Variants in BTBD16 observed in about 807,000 individuals in gnomAD.
BTBD16 encodes the protein BTB/POZ domain-containing protein 16.
In BTBD16, 66 loss-of-function variants were observed where a neutral mutation model predicts 67.4. The ratio of observed to expected loss-of-function variants is 0.98; its 90% CI spans 0.80 to 1.20. The LOEUF (loss-of-function observed/expected upper bound fraction) is 1.20, where lower values mean the gene tolerates loss of function less well. BTBD16 is among the 50% of genes most tolerant of loss of function. The probability of loss-of-function intolerance (pLI) is 0.00; values close to 1 mark genes in which losing one functional copy is unlikely to be tolerated. For missense variants in BTBD16, 634 were observed against 616.0 expected, an observed-to-expected ratio of 1.03 and a Z score of -0.31; for synonymous variants, 242 against 236.4, an observed-to-expected ratio of 1.02 and a Z score of -0.22.
intron 10 of BTBD16, among the ~76,000 whole-genome samples, chr10:122,323,246 G>A (rs1413119407): frequency 6.6e-6 from 1 of 152,202 alleles, no homozygotes; most frequent in East Asian, 1.9e-4. Context: ...AGCTTGAAGT[G>A]CACAAAGCAT....
intron 4 of BTBD16, among the ~76,000 whole-genome samples, chr10:122,285,201 C>A (rs1226326878): frequency 1.3e-5 from 2 of 152,064 alleles, no homozygotes; most frequent in African/African-American, 2.4e-5. Flanking sequence ...GGGTTCTAGG[C>A]ACCTCTCCTC....
chr10:122,274,989 AAT>A, intron 1 of BTBD16, 49 bp from the exon 2 acceptor site: 1 of 1,327,004 alleles, frequency 7.5e-7, no homozygotes, highest in Non-Finnish European at 1.1e-6. Context: ...TCTCCTCCAT[AAT>A]ATTTTGAAAA....
chr10:122,327,985 C>T (rs1204235559), intron 10 of BTBD16, among the ~76,000 whole-genome samples: 2 of 152,224 alleles, frequency 1.3e-5, no homozygotes, highest in Non-Finnish European at 2.9e-5. Flanking sequence ...GGCTGTGGAG[C>T]GCTGGCCATA....
rs1217765392 is a variant in BTBD16, at chr10:122,331,184, C to T, written c.1012C>T (p.Leu338=). 6.2e-7 allele frequency: 1 copy of T among 1,612,666 alleles called. No individual in the cohort carries two copies. Among genetic ancestry groups the T allele is most frequent in the African/African-American group, 1.3e-5 (1 of 74,792 alleles). Residue 338 remains leucine (L), a synonymous_variant, in exon 12 of 16, where the codon CTG becomes TTG. Transcript: ENST00000260723. ...TTTGCGTTTCTTCCCAGGCAAGGAT[C>T]TGGAGGTGCTGCGGCACCTTAACTT... is the stretch of plus-strand genomic sequence containing the variant. ...RLHGITKGKD[L]EVLRHLNFFP...
At position 122,332,479 on chromosome 10, in the gene BTBD16, C is replaced by T. The variant is rs375760875; in HGVS notation, c.1130C>T (p.Thr377Ile). The T allele has an allele frequency of 6.2e-7, 1 of 1,614,068 alleles. No homozygotes were observed. The highest frequency in any genetic ancestry group is 8.5e-7 in the Non-Finnish European group (1 of 1,180,006). The change falls in exon 13 of 16, where the codon ACC (threonine) becomes ATC (isoleucine). Residue 377 changes from threonine (T) to isoleucine (I), a missense_variant. Thr to Ile is a moderately conservative substitution (Grantham distance 89). Coordinates refer to ENST00000260723, the MANE Select transcript of BTBD16 (RefSeq NM_144587.5). ...GDMVHLKDLN[T>I]QAVRFGLLFN... ...ATGGTCCACCTGAAAGATCTTAACACCCAGGCTGTGAGATTTGGGCTGCTC... is the reference window on the plus strand; with the variant it reads ...ATGGTCCACCTGAAAGATCTTAACATCCAGGCTGTGAGATTTGGGCTGCTC...
intron 10 of BTBD16, among the ~76,000 whole-genome samples, chr10:122,320,772 C>A (rs1198719893): frequency 6.6e-6 from 1 of 151,972 alleles, no homozygotes; most frequent in Non-Finnish European, 1.5e-5. Context: ...ATTATTGAGA[C>A]CTGTTTTATG....
At chr10:122,316,468 G>T (rs1246419681) in intron 10 of BTBD16, among the ~76,000 whole-genome samples, 2 of 151,972 alleles carry the variant, frequency 1.3e-5, no homozygotes, top group African/African-American at 4.8e-5. Flanking sequence ...TTTCATCCTC[G>T]TGCAAACATC....
chr10:122,326,440 C>T (rs1353885297), intron 10 of BTBD16, among the ~76,000 whole-genome samples: 1 of 152,142 alleles, frequency 6.6e-6, no homozygotes, highest in Non-Finnish European at 1.5e-5. Context: ...CAGCATTCAC[C>T]CTTGCGCCTG....
At chr10:122,274,971 T>G in intron 1 of BTBD16, 69 bp from the exon 2 acceptor site, 2 of 1,056,788 alleles carry the variant, frequency 1.9e-6, no homozygotes, top group Non-Finnish European at 2.9e-6. Context: ...ATAGATTCTT[T>G]AGGCCAATCT....
At chr10:122,308,507 C>T (rs1396396611) in intron 10 of BTBD16, among the ~76,000 whole-genome samples, 1 of 152,210 alleles carries the variant, frequency 6.6e-6, no homozygotes, top group Non-Finnish European at 1.5e-5. Flanking sequence ...TTGCCCCGAC[C>T]TAAGCAGTGA....
intron 9 of BTBD16, among the ~76,000 whole-genome samples, chr10:122,304,550 C>CTTT (rs3037891): frequency 4.1e-4 from 39 of 95,416 alleles, no homozygotes; most frequent in East Asian, 1.4e-3. Context: ...AGCAGGTATT[C>CTTT]TTTTTTTTTT....
chr10:122,298,232 C>T (rs1484853527), intron 8 of BTBD16, among the ~76,000 whole-genome samples: 3 of 152,064 alleles, frequency 2.0e-5, no homozygotes, highest in African/African-American at 7.2e-5. Context: ...AAAACAGAGC[C>T]AAGGAGGGCA....
At chr10:122,286,507 T>C (rs2096364063) in intron 5 of BTBD16, among the ~76,000 whole-genome samples, 1 of 152,150 alleles carries the variant, frequency 6.6e-6, no homozygotes, top group Non-Finnish European at 1.5e-5. Flanking sequence ...CACAGCAAGC[T>C]CTCAGTACAT....
At chr10:122,308,967 C>G (rs1486956422) in intron 10 of BTBD16, among the ~76,000 whole-genome samples, 2 of 152,190 alleles carry the variant, frequency 1.3e-5, no homozygotes, top group Non-Finnish European at 2.9e-5. Flanking sequence ...GGGGGCCACC[C>G]ACCAGAGCTG....
intron 10 of BTBD16, among the ~76,000 whole-genome samples, chr10:122,321,695 T>TA (rs2096435646): frequency 6.6e-6 from 1 of 152,248 alleles, no homozygotes; most frequent in Admixed American, 6.5e-5. Flanking sequence ...TTCTACTTTT[T>TA]AATGGAGTTG....
chr10:122,282,460 C>T (rs2096355085), intron 3 of BTBD16, among the ~76,000 whole-genome samples: 1 of 152,206 alleles, frequency 6.6e-6, no homozygotes, highest in African/African-American at 2.4e-5. Flanking sequence ...CCCATGCTTC[C>T]TGCATGCACC....
At chr10:122,295,927 G>A (rs2096382278) in intron 7 of BTBD16, among the ~76,000 whole-genome samples, 1 of 151,990 alleles carries the variant, frequency 6.6e-6, no homozygotes, top group Non-Finnish European at 1.5e-5. Context: ...TGGCTTCCAT[G>A]AATACATGAA....
rs139560164 is a variant in BTBD16 at position 122,336,568 on chromosome 10, C to T, written c.1338C>T (p.Arg446=). 4.7e-4 allele frequency: 765 copies of T among 1,613,162 alleles called. 7 individuals are homozygous for T. The highest frequency in any genetic ancestry group is 8.9e-5 in the Non-Finnish European group (105 of 1,179,784). Residue 446 remains arginine (R), a synonymous_variant, in exon 15 of 16, where the codon CGC becomes CGT. Coordinates refer to ENST00000260723, the MANE Select transcript of BTBD16 (RefSeq NM_144587.5). ...EHNHVSLRAA[R]LVKYEIRAEA... ...ACCACGTCAGCCTGCGAGCGGCACG[C>T]CTGGTGAAGTATGAGATCAGAGCAG...
At chr10:122,314,705 C>T (rs999469694) in intron 10 of BTBD16, among the ~76,000 whole-genome samples, 8 of 151,920 alleles carry the variant, frequency 5.3e-5, no homozygotes, top group East Asian at 1.9e-4. Context: ...TGTATATTGA[C>T]TTTGTGTTCA....
Sources: gnomAD v4.1 joint callset for allele counts (sites outside exome capture counted in the v4.1 genomes callset) on GRCh38, gnomAD v4.1.1 for gene constraint, MANE v1.5 for transcripts, NCBI Gene and HGNC (gene_info 2026-07-23, HGNC 2026-07-21) for gene names.